Variants in CSMD1 observed in about 807,000 individuals in gnomAD.
CSMD1 encodes CUB and sushi domain-containing protein 1.
CSMD1 carries 213 observed loss-of-function variants against 417.5 expected under a neutral mutation model. That is an observed-to-expected ratio of 0.51 (90% CI 0.46 to 0.57). The LOEUF (loss-of-function observed/expected upper bound fraction) is 0.57. Among genes scored for constraint, CSMD1 ranks in the 20% least tolerant of loss-of-function variants. CSMD1 has a pLI of 0.00. For missense variants in CSMD1, 6,923 were observed against 4,529.7 expected (o/e 1.53, Z -15.17); for synonymous variants, 2,862 against 1,736.8 (o/e 1.65, Z -16.11).
chr8:3,725,082 C>T (rs1347247284), intron 6 of CSMD1, among the ~76,000 whole-genome samples: 3 of 152,156 alleles, frequency 2.0e-5, no homozygotes, highest in African/African-American at 2.4e-5. Flanking sequence ...GTTAAGGGCC[C>T]TCAGCATAGC....
At chr8:3,512,612 T>C (rs1219886128) in intron 10 of CSMD1, among the ~76,000 whole-genome samples, 2 of 150,660 alleles carry the variant, frequency 1.3e-5, no homozygotes, top group Non-Finnish European at 3.0e-5. Context: ...TTTTTTTTTT[T>C]TTTTTTTAAG....
intron 16 of CSMD1, among the ~76,000 whole-genome samples, chr8:3,397,923 A>G (rs894675960): frequency 2.0e-5 from 3 of 152,220 alleles, no homozygotes; most frequent in African/African-American, 7.2e-5. Context: ...CATGGTGGAA[A>G]TGAACATTTC....
rs1563098873 is a variant in CSMD1 at position 3,501,701 on chromosome 8, CATG to C, written c.1345-7978_1345-7976del. 3.9e-5 allele frequency among the ~76,000 whole-genome samples: 6 copies of C among 152,212 alleles called. No homozygotes were observed. The South Asian group carries it at 1.0e-3, about 26-fold the overall frequency. ...AAACAGTGAATTTCCTCATAAAAAACATGATAACAAGTTTATGTCTGGAAATTA... is the reference window on the plus strand; with the variant it reads ...AAACAGTGAATTTCCTCATAAAAAACATAACAAGTTTATGTCTGGAAATTA... On this transcript the variant is annotated intron_variant, in intron 10 of 69. Transcript: ENST00000635120.
Position 4,571,734 on chromosome 8 carries a change from C to A in CSMD1, c.302+65608G>T, listed in dbSNP as rs571524658. On this transcript the variant is annotated intron_variant, in intron 2 of 69. Coordinates refer to ENST00000635120, the MANE Select transcript of CSMD1 (RefSeq NM_033225.6). ...TCTAGTATTGACAGTGGGTGTTAAA[C>A]TCTCCCACTATTATTGTGTGGGAGT... is the stretch of plus-strand genomic sequence containing the variant. Among the ~76,000 whole-genome samples, 161 of 152,256 alleles carry A rather than the reference C, an allele frequency of 1.1e-3. 1 individual carries two copies. The highest frequency in any genetic ancestry group is 3.8e-3 in the African/African-American group (157 of 41,558).
chr8:3,139,905 C>CTTTTTTTT (rs56391105), intron 41 of CSMD1, among the ~76,000 whole-genome samples: 1 of 127,124 alleles, frequency 7.9e-6, no homozygotes, highest in Admixed American at 7.9e-5. Flanking sequence ...TTCTTTCTTT[C>CTTTTTTTT]TTTTTTTTTT....
intron 66 of CSMD1, 106 bp downstream of exon 66, chr8:2,951,008 C>T: frequency 8.6e-7 from 1 of 1,159,492 alleles, no homozygotes; most frequent in Non-Finnish European, 1.2e-6. Flanking sequence ...ACAAAGCCAA[C>T]AGAACAGTAA....
intron 1 of CSMD1, among the ~76,000 whole-genome samples, chr8:4,735,937 G>A (rs1810205983): frequency 6.6e-6 from 1 of 152,134 alleles, no homozygotes; most frequent in Non-Finnish European, 1.5e-5. Flanking sequence ...GCCACCGGTT[G>A]CAACATAAAA....
chr8:3,641,388 G>A (rs950695678), intron 7 of CSMD1, among the ~76,000 whole-genome samples: 2 of 152,084 alleles, frequency 1.3e-5, no homozygotes, highest in Admixed American at 6.5e-5. Flanking sequence ...GTCAGACTGA[G>A]CAGATCTTAG....
At chr8:3,229,939 T>G in intron 27 of CSMD1, 101 bp downstream of exon 27, 2 of 855,878 alleles carry the variant, frequency 2.3e-6, no homozygotes, top group African/African-American at 1.7e-5. Flanking sequence ...AAGAAACTCT[T>G]GAGAAATATT....
intron 12 of CSMD1, among the ~76,000 whole-genome samples, chr8:3,422,851 G>A (rs1813584058): frequency 6.6e-6 from 1 of 152,288 alleles, no homozygotes; most frequent in East Asian, 1.9e-4. Flanking sequence ...ACTGCTCTCT[G>A]CTTCGAAAAC....
In CSMD1 at chr8:4,005,006, G is replaced by A. The variant is rs534234993; in HGVS notation, c.611-6896C>T. 1.1e-4 allele frequency among the ~76,000 whole-genome samples: 16 copies of A among 152,150 alleles called. No homozygotes were observed. The East Asian group carries it at 1.9e-3, about 18-fold the overall frequency. On this transcript the variant is annotated intron_variant, in intron 4 of 69. Transcript: ENST00000635120. The stretch of plus-strand genomic sequence containing the variant: ...TGATCTGCCAGCCTCAGCCTCCCTA[G>A]TGACTCTTATTCTAAGTGAAGTACT...
At chr8:3,974,986 A>C (rs1028500805) in intron 5 of CSMD1, among the ~76,000 whole-genome samples, 2 of 152,218 alleles carry the variant, frequency 1.3e-5, no homozygotes, top group Non-Finnish European at 2.9e-5. Context: ...CCCTATGTGG[A>C]ATGCTTGAGT....
intron 5 of CSMD1, among the ~76,000 whole-genome samples, chr8:3,817,075 G>C (rs1406814258): frequency 6.6e-6 from 1 of 151,948 alleles, no homozygotes; most frequent in Non-Finnish European, 1.5e-5. Context: ...AAGATAATCT[G>C]TTGAGATGAG....
At chr8:3,303,494 A>G (rs368481803) in intron 25 of CSMD1, among the ~76,000 whole-genome samples, 1 of 152,200 alleles carries the variant, frequency 6.6e-6, no homozygotes, top group East Asian at 1.9e-4. Flanking sequence ...TATGCGTCCA[A>G]TGTTTTTCAT....
intron 59 of CSMD1, 23 bp from the exon 60 acceptor site, chr8:2,963,418 A>G (rs752619643): frequency 1.2e-5 from 19 of 1,606,776 alleles, no homozygotes; most frequent in Non-Finnish European, 1.5e-5. Context: ...AACAAACAAG[A>G]TCAACATTCC....
chr8:4,603,394 G>A (rs1253400997), intron 2 of CSMD1, among the ~76,000 whole-genome samples: 1 of 151,948 alleles, frequency 6.6e-6, no homozygotes, highest in Non-Finnish European at 1.5e-5. Flanking sequence ...ACTTAAAAAT[G>A]TGGTGAACCT....
At chr8:3,867,890 C>T (rs1344090192) in intron 5 of CSMD1, among the ~76,000 whole-genome samples, 2 of 151,978 alleles carry the variant, frequency 1.3e-5, no homozygotes, top group Non-Finnish European at 2.9e-5. Context: ...TGAACCGTTC[C>T]CAAGACTCTG....
intron 2 of CSMD1, among the ~76,000 whole-genome samples, chr8:4,530,758 G>T (rs1796772661): frequency 6.6e-6 from 1 of 150,980 alleles, no homozygotes; most frequent in South Asian, 2.1e-4. Context: ...ATGGGCATTT[G>T]GGTTGCTTCC....
At chr8:4,040,480 T>C (rs1189961667) in intron 3 of CSMD1, among the ~76,000 whole-genome samples, 1 of 152,158 alleles carries the variant, frequency 6.6e-6, no homozygotes, top group Non-Finnish European at 1.5e-5. Flanking sequence ...AATCTCTACT[T>C]GCAAGCATGA....
Sources: allele counts gnomAD v4.1 joint callset (sites outside exome capture counted in the v4.1 genomes callset), GRCh38; gene constraint gnomAD v4.1.1; transcripts MANE v1.5; gene names NCBI Gene and HGNC (gene_info 2026-07-23, HGNC 2026-07-21).